HERC1: variants seen among roughly 807,000 people sequenced by gnomAD.
HERC1 encodes probable E3 ubiquitin-protein ligase HERC1.
A neutral mutation model predicts 554.3 loss-of-function variants in HERC1; 160 were observed. The observed-to-expected ratio is 0.29, with a 90% confidence interval of 0.25 to 0.33. HERC1 has a LOEUF of 0.33. HERC1 is among the 10% of genes least tolerant of loss of function. HERC1 has a pLI of 1.00. For missense variants in HERC1, 4,919 were observed against 5,918.5 expected (o/e 0.83, Z 5.54); for synonymous variants, 2,175 against 2,131.7 (o/e 1.02, Z -0.56).
chr15:63,766,443 C>T (rs2075780156), intron 2 of HERC1, among the ~76,000 whole-genome samples: 1 of 152,016 alleles, frequency 6.6e-6, no homozygotes, highest in Non-Finnish European at 1.5e-5. Context: ...CAAAACTTCT[C>T]AAGGTATGGT....
At chr15:63,799,008 G>A (rs1023064158) in intron 1 of HERC1, among the ~76,000 whole-genome samples, 4 of 152,074 alleles carry the variant, frequency 2.6e-5, no homozygotes, top group Admixed American at 1.3e-4. Flanking sequence ...TTTTTAAAGC[G>A]TCATCTCTGG....
At chr15:63,626,364 T>G (rs911032874) in intron 70 of HERC1, among the ~76,000 whole-genome samples, 2 of 152,216 alleles carry the variant, frequency 1.3e-5, no homozygotes, top group Non-Finnish European at 1.5e-5. Flanking sequence ...AAAAATAAAA[T>G]AAAATAAAAT....
At chr15:63,743,263 C>CTTTTTTTTTTTTTTT (rs71131177) in intron 12 of HERC1, among the ~76,000 whole-genome samples, 95 of 109,094 alleles carry the variant, frequency 8.7e-4, no homozygotes, top group Non-Finnish European at 1.0e-3. Context: ...TTTTCTTTTT[C>CTTTTTTTTTTTTTTT]TTTTTTTTTT....
intron 1 of HERC1, among the ~76,000 whole-genome samples, chr15:63,789,724 G>C (rs2076574207): frequency 6.6e-6 from 1 of 151,682 alleles, no homozygotes; most frequent in Non-Finnish European, 1.5e-5. Context: ...CCTGAACCCG[G>C]GAGGTGGAAG....
Position 63,638,798 on chromosome 15 carries a change from A to G in HERC1, c.11902-22T>C. ...TATCCTGAAAAACAGGGGGTACATA[A>G]TGATCAATTCTGCTTAGGCAAGATG... On this transcript the variant is annotated intron_variant, in intron 61 of 77. Coordinates refer to ENST00000443617, the MANE Select transcript of HERC1 (RefSeq NM_003922.4). 2.5e-6 allele frequency: 4 copies of G among 1,596,678 alleles called. No homozygotes were observed. The South Asian group carries it at 4.4e-5, about 18-fold the overall frequency.
chr15:63,801,995 G>A (rs1002285691), intron 1 of HERC1, among the ~76,000 whole-genome samples: 4 of 152,164 alleles, frequency 2.6e-5, no homozygotes, highest in South Asian at 2.1e-4. Flanking sequence ...AACTCTCGAC[G>A]TCTACCAACC....
chr15:63,786,760 A>T (rs551439527), intron 1 of HERC1, among the ~76,000 whole-genome samples: 28 of 152,316 alleles, frequency 1.8e-4, no homozygotes, highest in Admixed American at 5.2e-4. Context: ...AGAGGAAGGG[A>T]AAATGGAGAA....
chr15:63,790,202 G>A (rs941140440), intron 1 of HERC1, among the ~76,000 whole-genome samples: 2 of 151,756 alleles, frequency 1.3e-5, no homozygotes, highest in Admixed American at 1.3e-4. Flanking sequence ...CTCAATAAAC[G>A]TAAGCTGCTA....
chr15:63,729,044 T>C (rs990195323), intron 16 of HERC1, among the ~76,000 whole-genome samples, 192 bp downstream of exon 16: 6 of 152,074 alleles, frequency 3.9e-5, no homozygotes, highest in Non-Finnish European at 8.8e-5. Context: ...GCCTCTGTCA[T>C]GCCAAGTAGA....
intron 7 of HERC1, among the ~76,000 whole-genome samples, chr15:63,753,661 G>A (rs527714214): frequency 5.3e-5 from 8 of 152,184 alleles, no homozygotes; most frequent in Non-Finnish European, 1.2e-4. Context: ...TGCTGTTGTT[G>A]AAGACTATGG....
chr15:63,825,170 G>A lies in HERC1; in HGVS notation c.-27+8657C>T, dbSNP rs77258879. Among the ~76,000 whole-genome samples, 22 of 152,192 alleles carry A rather than the reference G, an allele frequency of 1.4e-4. No homozygotes were observed. The East Asian group carries it at 4.3e-3, about 29-fold the overall frequency. On this transcript the variant is annotated intron_variant, in intron 1 of 77. Transcript: ENST00000443617. ...CAAAAATACAAAAAATTAGCCAGGT[G>A]TGGCAGCACACACCCAGCTACTCCA...
intron 1 of HERC1, among the ~76,000 whole-genome samples, chr15:63,830,132 G>A (rs1477633936): frequency 1.3e-5 from 2 of 152,158 alleles, no homozygotes; most frequent in Non-Finnish European, 2.9e-5. Context: ...AGGAGAAACT[G>A]TACATCCACA....
chr15:63,654,276 C>A lies in HERC1; in HGVS notation c.10133G>T (p.Arg3378Met). The A allele has an allele frequency of 6.2e-7, 1 of 1,613,942 alleles. No individual in the cohort carries two copies. Among genetic ancestry groups the A allele is most frequent in the South Asian group, 1.1e-5 (1 of 91,080 alleles). Residue 3378 changes from arginine to methionine, a missense_variant, in exon 51 of 78, where the codon AGG becomes ATG. By Grantham distance (91) the Arg-to-Met change is moderately conservative. Transcript: ENST00000443617. ...NALAACCLSS[R>M]LSSQHRQWAA... ...CCATTGCCGATGCTGTGAGGACAGC[C>A]TGGAGGAGAGGCAGCAGGCTGCCAG...
intron 1 of HERC1, among the ~76,000 whole-genome samples, chr15:63,804,229 T>G (rs1228958984): frequency 6.6e-6 from 1 of 152,190 alleles, no homozygotes; most frequent in East Asian, 1.9e-4. Flanking sequence ...GTAAGATTTC[T>G]TAAATAGCAC....
chr15:63,625,694 A>AG (rs1233810470), intron 71 of HERC1, among the ~76,000 whole-genome samples: 8 of 30,652 alleles, frequency 2.6e-4, no homozygotes, highest in Non-Finnish European at 1.5e-3. Flanking sequence ...ACTCCATCTC[A>AG]AAAAAAAAAA....
chr15:63,706,212 C>CT (rs2072998063), intron 25 of HERC1, among the ~76,000 whole-genome samples: 1 of 151,946 alleles, frequency 6.6e-6, no homozygotes, highest in Admixed American at 6.5e-5. Flanking sequence ...CAATGACACT[C>CT]TAATTTGTTC....
chr15:63,787,984 A>T (rs2076512072), intron 1 of HERC1, among the ~76,000 whole-genome samples: 1 of 148,058 alleles, frequency 6.8e-6, no homozygotes, highest in African/African-American at 2.5e-5. Flanking sequence ...AAAAAAAAAG[A>T]CAAAACAAAA....
At chr15:63,801,175 A>G (rs768471479) in intron 1 of HERC1, among the ~76,000 whole-genome samples, 1 of 152,182 alleles carries the variant, frequency 6.6e-6, no homozygotes, top group Admixed American at 6.5e-5. Context: ...CCTGAGTTGT[A>G]TCATTTATAA....
intron 55 of HERC1, among the ~76,000 whole-genome samples, chr15:63,646,733 G>A (rs1012227721): frequency 8.6e-5 from 13 of 151,376 alleles, no homozygotes; most frequent in South Asian, 2.1e-4. Context: ...GCTTGAACCC[G>A]GGAAGCAGAG....
Sources: gnomAD v4.1 joint callset for allele counts (sites outside exome capture counted in the v4.1 genomes callset) on GRCh38, gnomAD v4.1.1 for gene constraint, MANE v1.5 for transcripts, NCBI Gene and HGNC (gene_info 2026-07-23, HGNC 2026-07-21) for gene names.